The following CDH18 variants were observed in gnomAD, a reference collection of about 807,000 sequenced individuals.
The protein encoded by CDH18 is cadherin-18.
Under a neutral mutation model 67.9 loss-of-function variants are expected in CDH18, and 31 were observed. The ratio of observed to expected loss-of-function variants is 0.46; its 90% CI spans 0.34 to 0.62. The LOEUF (loss-of-function observed/expected upper bound fraction) is 0.62. Ranked by LOEUF, CDH18 falls within the 20% of genes least tolerant of loss-of-function variation. The pLI is 0.01. For synonymous variants in CDH18, 362 were observed against 347.2 expected, an observed-to-expected ratio of 1.04 and a Z score of -0.48; for missense variants, 890 against 975.5, an observed-to-expected ratio of 0.91 and a Z score of 1.17.
chr5:20,501,536 T>TATATACATATTATATATATA (rs1754272106), intron 1 of CDH18, among the ~76,000 whole-genome samples: 1 of 72,882 alleles, frequency 1.4e-5, no homozygotes, highest in Non-Finnish European at 2.6e-5. Context: ...TTATATATAT[T>TATATACATATTATATATATA]ATATACATAT....
rs545683701 is a variant in CDH18, at chr5:20,433,099, G to A, written c.-580+142363C>T. Among the ~76,000 whole-genome samples, 224 of 150,790 alleles carry A rather than the reference G, an allele frequency of 1.5e-3. 1 individual carries two copies. The highest frequency in any genetic ancestry group is 5.2e-3 in the African/African-American group (215 of 41,180). On this transcript the variant is annotated intron_variant, in intron 1 of 14. Transcript: ENST00000507958. The stretch of plus-strand genomic sequence containing the variant: ...CACGGATTAGCCGAGGTCAATAGGC[G>A]ACATTTCTTCCTGGGTCACTTTAGG...
At chr5:19,752,619 T>C (rs1038848926) in intron 3 of CDH18, among the ~76,000 whole-genome samples, 6 of 152,106 alleles carry the variant, frequency 3.9e-5, no homozygotes, top group African/African-American at 1.4e-4. Flanking sequence ...ACAAAGGGCA[T>C]ATACTTTTGG....
At chr5:19,535,650 G>A (rs948624076) in intron 9 of CDH18, among the ~76,000 whole-genome samples, 12 of 151,842 alleles carry the variant, frequency 7.9e-5, no homozygotes, top group African/African-American at 2.9e-4. Flanking sequence ...CATGAGAGTC[G>A]AGAAAAAAAT....
At chr5:20,394,241 C>T (rs2388311) in intron 1 of CDH18, among the ~76,000 whole-genome samples, 8 of 99,766 alleles carry the variant, frequency 8.0e-5, no homozygotes, top group Non-Finnish European at 1.6e-4. Context: ...AATATAGAAT[C>T]CCCCCCAAAA....
At chr5:19,674,643 G>A (rs568296119) in intron 5 of CDH18, among the ~76,000 whole-genome samples, 5 of 152,078 alleles carry the variant, frequency 3.3e-5, no homozygotes, top group Non-Finnish European at 5.9e-5. Context: ...CTATTAATAT[G>A]CATTAAATAT....
chr5:20,370,156 C>A (rs553616938), intron 1 of CDH18, among the ~76,000 whole-genome samples: 5 of 152,086 alleles, frequency 3.3e-5, no homozygotes, highest in Non-Finnish European at 4.4e-5. Flanking sequence ...ATAGTCATCA[C>A]CATCATCATT....
intron 1 of CDH18, among the ~76,000 whole-genome samples, chr5:20,315,769 C>G (rs116633186): frequency 5.5e-4 from 83 of 152,254 alleles, no homozygotes; most frequent in African/African-American, 1.9e-3. Flanking sequence ...ACTTTGATAA[C>G]CAGTAACTCT....
chr5:19,508,115 A>G (rs934806213), intron 10 of CDH18, among the ~76,000 whole-genome samples: 2 of 151,042 alleles, frequency 1.3e-5, no homozygotes, highest in African/African-American at 4.9e-5. Context: ...AAAATGCTGT[A>G]ATATTTGCTT....
intron 1 of CDH18, among the ~76,000 whole-genome samples, chr5:20,471,853 C>CAAAAAAAAAAAAAAAA (rs1554005562): frequency 5.3e-5 from 3 of 56,490 alleles, no homozygotes; most frequent in African/African-American, 5.3e-5. Flanking sequence ...AAAAAAAAAG[C>CAAAAAAAAAAAAAAAA]AAAAGCATTG....
Position 20,296,889 on chromosome 5 carries a change from G to A in CDH18, c.-579-41384C>T, listed in dbSNP as rs74515473. Among the ~76,000 whole-genome samples the A allele has an allele frequency of 3.3e-3, 494 of 151,782 alleles. 1 individual carries two copies. The highest frequency in any genetic ancestry group is 0.011 in the African/African-American group (465 of 41,480). ...AATAAATGAATAAAGAAATTCTTCAGATTATTAGTGTAAGCATATAAGTCT... is the reference window on the plus strand; with the variant it reads ...AATAAATGAATAAAGAAATTCTTCAAATTATTAGTGTAAGCATATAAGTCT... On this transcript the variant is annotated intron_variant, in intron 1 of 14. Coordinates refer to the CDH18 transcript ENST00000507958.
At chr5:20,285,169 T>C (rs1746590790) in intron 1 of CDH18, among the ~76,000 whole-genome samples, 1 of 151,476 alleles carries the variant, frequency 6.6e-6, no homozygotes, top group Non-Finnish European at 1.5e-5. Flanking sequence ...CCATAATTAA[T>C]GTGAAGTAAT....
At chr5:20,324,384 C>CA (rs1167400087) in intron 1 of CDH18, among the ~76,000 whole-genome samples, 4 of 151,812 alleles carry the variant, frequency 2.6e-5, no homozygotes, top group African/African-American at 9.7e-5. Context: ...TTAAAAAATA[C>CA]AAAAAAATTA....
At chr5:19,667,651 A>G (rs959312176) in intron 5 of CDH18, among the ~76,000 whole-genome samples, 9 of 94,846 alleles carry the variant, frequency 9.5e-5, no homozygotes, top group African/African-American at 2.3e-4. Context: ...TTGCCAATTT[A>G]AACAGATAAA....
chr5:19,644,091 C>A (rs1445673734), intron 5 of CDH18, among the ~76,000 whole-genome samples: 1 of 152,004 alleles, frequency 6.6e-6, no homozygotes, highest in African/African-American at 2.4e-5. Flanking sequence ...TAATTTTGAG[C>A]AAGAGATTTT....
At chr5:19,508,865 C>CTTTTTTTTT (rs35438564) in intron 10 of CDH18, among the ~76,000 whole-genome samples, 4 of 127,606 alleles carry the variant, frequency 3.1e-5, no homozygotes, top group Non-Finnish European at 6.6e-5. Context: ...TCTTTCTTTT[C>CTTTTTTTTT]TTTTTTTTTT....
chr5:19,975,856 C>G (rs1043735749), intron 2 of CDH18, among the ~76,000 whole-genome samples: 1 of 151,766 alleles, frequency 6.6e-6, no homozygotes, highest in Non-Finnish European at 1.5e-5. Flanking sequence ...AGAGTCAGCA[C>G]ATCCAGGATG....
intron 2 of CDH18, among the ~76,000 whole-genome samples, chr5:20,015,505 G>A (rs1737803785): frequency 6.6e-6 from 1 of 152,130 alleles, no homozygotes; most frequent in Non-Finnish European, 1.5e-5. Flanking sequence ...CTAACACCAT[G>A]TTTACACTCA....
chr5:19,553,961 G>T (rs538569557), intron 8 of CDH18, among the ~76,000 whole-genome samples: 26 of 152,134 alleles, frequency 1.7e-4, no homozygotes, highest in Middle Eastern at 3.4e-3. Context: ...TTAACAAAAA[G>T]TCACGCACCT....
chr5:19,646,016 T>C (rs1754681858), intron 5 of CDH18, among the ~76,000 whole-genome samples: 1 of 152,092 alleles, frequency 6.6e-6, no homozygotes, highest in Non-Finnish European at 1.5e-5. Flanking sequence ...AAACGACAAA[T>C]GATGACATGG....
Sources: allele counts gnomAD v4.1 joint callset (sites outside exome capture counted in the v4.1 genomes callset), GRCh38; gene constraint gnomAD v4.1.1; transcripts MANE v1.5; gene names NCBI Gene and HGNC (gene_info 2026-07-23, HGNC 2026-07-21).